HTR7: variants seen among roughly 807,000 people sequenced by gnomAD.
HTR7 encodes the protein 5-hydroxytryptamine receptor 7.
HTR7 carries 16 observed loss-of-function variants against 34.0 expected under a neutral mutation model. The observed-to-expected ratio is 0.47, with a 90% confidence interval of 0.32 to 0.71. The LOEUF is 0.71. HTR7 is among the 30% of genes least tolerant of loss of function. HTR7 has a pLI of 0.04. For synonymous variants in HTR7, 265 were observed against 260.2 expected (o/e 1.02, Z -0.18); for missense variants, 504 against 625.5 (o/e 0.81, Z 2.07).
At chr10:90,838,158 T>A (rs1171102412) in intron 1 of HTR7, among the ~76,000 whole-genome samples, 1 of 152,212 alleles carries the variant, frequency 6.6e-6, no homozygotes, top group East Asian at 1.9e-4. Context: ...AATTCTAGAC[T>A]CATATTCAAA....
chr10:90,762,783 C>G (rs1216381400), intron 1 of HTR7, among the ~76,000 whole-genome samples: 1 of 152,258 alleles, frequency 6.6e-6, no homozygotes, highest in Non-Finnish European at 1.5e-5. Flanking sequence ...ACATTTAAAT[C>G]GTTAAGCAAT....
At chr10:90,796,058 C>T (rs75685236) in intron 1 of HTR7, among the ~76,000 whole-genome samples, 2,675 of 152,208 alleles carry the variant, frequency 0.018, 84 homozygotes, top group African/African-American at 0.055. Flanking sequence ...TCTGTGTTGA[C>T]GTTAATGCTG....
intron 1 of HTR7, among the ~76,000 whole-genome samples, chr10:90,799,193 C>T (rs114542556): frequency 0.016 from 2,459 of 152,242 alleles, 81 homozygotes; most frequent in African/African-American, 0.055. Context: ...GTGATTTCAT[C>T]TCTGGCCCAA....
chr10:90,761,830 CTCTCTT>C (rs1844942113), intron 1 of HTR7, among the ~76,000 whole-genome samples: 1 of 152,156 alleles, frequency 6.6e-6, no homozygotes, highest in African/African-American at 2.4e-5. Context: ...CCATGCTACT[CTCTCTT>C]TCTGAGTTTG....
chr10:90,850,213 TGCTTGATA>T (rs1846477369), intron 1 of HTR7, among the ~76,000 whole-genome samples: 1 of 152,234 alleles, frequency 6.6e-6, no homozygotes, highest in South Asian at 2.1e-4. Context: ...TAAGAAGCCA[TGCTTGATA>T]GTCTTACAGT....
intron 1 of HTR7, among the ~76,000 whole-genome samples, chr10:90,829,652 G>A (rs970761265): frequency 1.3e-5 from 2 of 152,064 alleles, no homozygotes; most frequent in Admixed American, 6.5e-5. Context: ...AGATATAAGA[G>A]GCATTCAAAT....
chr10:90,830,947 T>TCAGTCCGGTG (rs1164473457), intron 1 of HTR7, among the ~76,000 whole-genome samples: 1 of 152,182 alleles, frequency 6.6e-6, no homozygotes, highest in African/African-American at 2.4e-5. Context: ...AGACAAGAGG[T>TCAGTCCGGTG]CAGTCCGGTG....
chr10:90,785,525 A>G (rs1845367762), intron 1 of HTR7, among the ~76,000 whole-genome samples: 1 of 152,038 alleles, frequency 6.6e-6, no homozygotes. Context: ...CACTGCCCCC[A>G]GACACACACA....
intron 1 of HTR7, among the ~76,000 whole-genome samples, chr10:90,769,868 A>G (rs963827712): frequency 6.6e-6 from 1 of 152,262 alleles, no homozygotes; most frequent in Non-Finnish European, 1.5e-5. Flanking sequence ...AATAAAACTG[A>G]AAATCCCTTT....
chr10:90,814,557 AT>A (rs1845870120), intron 1 of HTR7, among the ~76,000 whole-genome samples: 1 of 152,232 alleles, frequency 6.6e-6, no homozygotes, highest in Non-Finnish European at 1.5e-5. Flanking sequence ...GAAGGTGGAA[AT>A]TTTTAAATGG....
At chr10:90,824,778 C>A (rs1379686331) in intron 1 of HTR7, among the ~76,000 whole-genome samples, 1 of 152,192 alleles carries the variant, frequency 6.6e-6, no homozygotes. Context: ...TGGGGAGAGA[C>A]CCCTCTTCTT....
intron 1 of HTR7, among the ~76,000 whole-genome samples, chr10:90,849,040 T>G (rs1589481946): frequency 6.6e-6 from 1 of 152,392 alleles, no homozygotes; most frequent in South Asian, 2.1e-4. Flanking sequence ...TTCTGTTGTA[T>G]GAATATACCA....
intron 1 of HTR7, among the ~76,000 whole-genome samples, chr10:90,813,413 T>C (rs1229189429): frequency 1.3e-5 from 2 of 151,302 alleles, no homozygotes; most frequent in African/African-American, 2.4e-5. Context: ...TCCCAGCTAC[T>C]GGGGAGGCTG....
At chr10:90,855,617 A>G (rs958967949) in intron 1 of HTR7, among the ~76,000 whole-genome samples, 2 of 152,198 alleles carry the variant, frequency 1.3e-5, no homozygotes, top group African/African-American at 4.8e-5. Context: ...TACACTTACT[A>G]TGTGTATTGA....
intron 1 of HTR7, among the ~76,000 whole-genome samples, chr10:90,781,459 G>T (rs1001652893): frequency 7.2e-5 from 11 of 152,104 alleles, no homozygotes; most frequent in Admixed American, 6.6e-4. Context: ...GAAACAACTA[G>T]AAAACTAACT....
intron 1 of HTR7, among the ~76,000 whole-genome samples, chr10:90,808,453 C>A (rs1365253505): frequency 6.6e-6 from 1 of 152,184 alleles, no homozygotes; most frequent in Non-Finnish European, 1.5e-5. Context: ...GGGGCAAGTA[C>A]CCCAACCTTG....
intron 1 of HTR7, among the ~76,000 whole-genome samples, chr10:90,823,068 C>T (rs76933610): frequency 0.014 from 2,089 of 152,348 alleles, 46 homozygotes; most frequent in African/African-American, 0.038. Context: ...CCTTCTAGGG[C>T]AGTGTGTATG....
chr10:90,839,204 T>A (rs1471310950), intron 1 of HTR7, among the ~76,000 whole-genome samples: 1 of 152,160 alleles, frequency 6.6e-6, no homozygotes, highest in Non-Finnish European at 1.5e-5. Flanking sequence ...AATGAAAAAT[T>A]GTAAGACAAT....
At chr10:90,806,816 G>C (rs1363733460) in intron 1 of HTR7, among the ~76,000 whole-genome samples, 1 of 151,816 alleles carries the variant, frequency 6.6e-6, no homozygotes, top group Admixed American at 6.6e-5. Context: ...GAGTGTGCTG[G>C]GCTGGGCCTT....
Sources: gnomAD v4.1 joint callset for allele counts (sites outside exome capture counted in the v4.1 genomes callset) on GRCh38, gnomAD v4.1.1 for gene constraint, MANE v1.5 for transcripts, NCBI Gene and HGNC (gene_info 2026-07-23, HGNC 2026-07-21) for gene names.